CRYBG1: variants seen among roughly 807,000 people sequenced by gnomAD.
The protein encoded by CRYBG1 is beta/gamma crystallin domain-containing protein 1.
A neutral mutation model predicts 189.2 loss-of-function variants in CRYBG1; 139 were observed. The ratio of observed to expected loss-of-function variants is 0.73; its 90% confidence interval spans 0.64 to 0.85. The LOEUF (loss-of-function observed/expected upper bound fraction) is 0.85, where lower values mean the gene tolerates loss of function less well. CRYBG1 is among the 40% of genes least tolerant of loss of function. CRYBG1 has a pLI of 0.00. For missense variants in CRYBG1, 2,611 were observed against 2,675.8 expected (o/e 0.98, Z 0.53); for synonymous variants, 1,023 against 1,017.1 (o/e 1.01, Z -0.11).
intron 21 of CRYBG1, among the ~76,000 whole-genome samples, chr6:106,564,127 A>G (rs983249260): frequency 2.0e-4 from 31 of 152,042 alleles, no homozygotes; most frequent in African/African-American, 7.5e-4. Flanking sequence ...TGAGGCCTAC[A>G]TTATCCCCTC....
In CRYBG1 at chr6:106,456,755, T is replaced by C. The variant is rs181681687; in HGVS notation, c.312+4923T>C. ...TTCCACAAAGGTCCACTGGTGTTTC[T>C]CTCAGTGCCCAATACCCAATCTCAC... On this transcript the variant is annotated intron_variant, in intron 2 of 21. Coordinates refer to ENST00000633556, the MANE Select transcript of CRYBG1 (RefSeq NM_001371242.2). Among the ~76,000 whole-genome samples the C allele has an allele frequency of 4.3e-3, 660 of 152,294 alleles. 6 individuals are homozygous for C. The highest frequency in any genetic ancestry group is 0.015 in the African/African-American group (643 of 41,546).
chr6:106,561,411 G>T lies in CRYBG1; in HGVS notation c.6049G>T (p.Asp2017Tyr). Residue 2017 changes from aspartate to tyrosine, a missense_variant, in exon 20 of 22, where the codon GAT (aspartate) becomes TAT (tyrosine). Coordinates refer to ENST00000633556, the MANE Select transcript of CRYBG1 (RefSeq NM_001371242.2). ...CATGTCAACCAATGGAAACTTAGAG[G>T]ATCTGAAGCTTCTGAGGATACAGGT... ...LFMSTNGNLE[D>Y]LKLLRIQVME... The T allele has an allele frequency of 6.2e-7, 1 of 1,614,122 alleles. No individual in the cohort carries two copies. Among genetic ancestry groups the T allele is most frequent in the South Asian group, 1.1e-5 (1 of 91,074 alleles).
intron 3 of CRYBG1, among the ~76,000 whole-genome samples, chr6:106,517,475 T>C (rs550080763): frequency 3.0e-4 from 43 of 145,216 alleles, no homozygotes; most frequent in Middle Eastern, 3.5e-3. Context: ...CACACACACA[T>C]ATATATATAC....
intron 1 of CRYBG1, among the ~76,000 whole-genome samples, chr6:106,401,469 A>C (rs1172056852): frequency 1.5e-5 from 2 of 135,030 alleles, no homozygotes; most frequent in African/African-American, 5.8e-5. Context: ...GGTTAGTTAC[A>C]TATGTATACA....
At position 106,486,693 on chromosome 6, in the gene CRYBG1, A is replaced by G. The variant is rs149824408; in HGVS notation, c.313-24737A>G. Among the ~76,000 whole-genome samples the G allele has an allele frequency of 2.2e-3, 340 of 151,996 alleles. 1 individual carries two copies. Among genetic ancestry groups the G allele is most frequent in the East Asian group, 8.9e-3 (46 of 5,184 alleles). ...TATATAATGATCTTTCCCTCCTTTCACAGTTTTTGACTTAAAGTGTAATTT... is the reference window on the plus strand; with the variant it reads ...TATATAATGATCTTTCCCTCCTTTCGCAGTTTTTGACTTAAAGTGTAATTT... On this transcript the variant is annotated intron_variant, in intron 2 of 21. Transcript: ENST00000633556.
intron 2 of CRYBG1, among the ~76,000 whole-genome samples, chr6:106,481,060 G>A (rs1313947362): frequency 2.7e-5 from 2 of 74,820 alleles, no homozygotes; most frequent in Non-Finnish European, 2.2e-5. Context: ...TGCAAGCTCC[G>A]CCTCCCGGGT....
chr6:106,530,079 C>A, intron 7 of CRYBG1, 97 bp from the exon 8 acceptor site: 1 of 1,147,618 alleles, frequency 8.7e-7, no homozygotes, highest in Non-Finnish European at 1.2e-6. Flanking sequence ...AAATTTAAAG[C>A]TCATTTTGAT....
At chr6:106,470,463 C>A (rs985757358) in intron 2 of CRYBG1, among the ~76,000 whole-genome samples, 5 of 151,938 alleles carry the variant, frequency 3.3e-5, no homozygotes, top group African/African-American at 1.2e-4. Flanking sequence ...ATCCCAGCTA[C>A]TTGGGAGGCT....
rs2114541977 is a variant in CRYBG1 at position 106,521,232 on chromosome 6, G to T, written c.4024G>T (p.Asp1342Tyr). The T allele has an allele frequency of 6.2e-7, 1 of 1,614,034 alleles. No homozygotes were observed. Among genetic ancestry groups the T allele is most frequent in the South Asian group, 1.1e-5 (1 of 91,070 alleles). The change falls in exon 4 of 22, where the codon GAT becomes TAT. Residue 1342 changes from aspartate to tyrosine, a missense_variant. By Grantham distance (160) the Asp-to-Tyr change is radical. Around this residue, in one of 3 missense-constraint regions of CRYBG1, gnomAD observed 1,622 missense variants for 1,735.0 expected, o/e 0.93. Transcript: ENST00000633556. ...CCCGCAAAAAGAGAAAACCAAAGAA[G>T]ATCTGGATTCACGAAGCAACCTACA... ...KYPQKEKTKE[D>Y]LDSRSNLHLP...
intron 1 of CRYBG1, among the ~76,000 whole-genome samples, chr6:106,405,567 T>C (rs566854542): frequency 1.6e-3 from 247 of 152,370 alleles, no homozygotes; most frequent in Non-Finnish European, 2.3e-3. Flanking sequence ...AGTGGGTCCC[T>C]GACCCCCGTG....
rs767770013 is a variant in CRYBG1, at chr6:106,512,886, C to G, written c.1769C>G (p.Pro590Arg). ...PEIKPEHKRG[P>R]LPNHFNGRAE... ...ATCAAGCCCGAGCACAAGAGGGGCC[C>G]GCTCCCCAACCACTTCAACGGCCGG... Residue 590 changes from proline to arginine, a missense_variant, in exon 3 of 22, where the codon CCG (proline) becomes CGG (arginine). Around this residue, in one of 3 missense-constraint regions of CRYBG1, gnomAD observed 985 missense variants for 924.4 expected, o/e 1.07. Transcript: ENST00000633556. 5 of 1,598,230 alleles carry G rather than the reference C, an allele frequency of 3.1e-6. No homozygotes were observed. Among genetic ancestry groups the G allele is most frequent in the Non-Finnish European group, 4.3e-6 (5 of 1,172,744 alleles).
rs746376911 is a variant in CRYBG1 at position 106,519,437 on chromosome 6, G to C, written c.2229G>C (p.Leu743=). Residue 743 remains leucine, a synonymous_variant, in exon 4 of 22, where the codon CTG becomes CTC. Transcript: ENST00000633556. Reference sequence around the variant, plus strand: ...CAAACAGTCCCCAGAATGGTGTGCTGGTTAAGGAAACTGCTATAGAAACCA... The same window carrying C: ...CAAACAGTCCCCAGAATGGTGTGCTCGTTAAGGAAACTGCTATAGAAACCA... ...VMPNSPQNGV[L]VKETAIETKV... is the part of the protein sequence containing the mutation. 4 of 1,614,106 alleles carry C rather than the reference G, an allele frequency of 2.5e-6. 1 individual carries two copies. Among genetic ancestry groups the C allele is most frequent in the Middle Eastern group, 3.3e-4 (2 of 6,062 alleles).
chr6:106,532,017 T>C (rs1281147689), intron 8 of CRYBG1, among the ~76,000 whole-genome samples: 1 of 152,198 alleles, frequency 6.6e-6, no homozygotes, highest in Non-Finnish European at 1.5e-5. Context: ...ATTTTACTGC[T>C]TTTTAAATTA....
chr6:106,499,241 C>T (rs1772933495), intron 2 of CRYBG1, among the ~76,000 whole-genome samples: 1 of 150,278 alleles, frequency 6.7e-6, no homozygotes, highest in Non-Finnish European at 1.5e-5. Context: ...CAACTTCCGC[C>T]TCCCGGGTTC....
intron 2 of CRYBG1, among the ~76,000 whole-genome samples, chr6:106,485,009 A>T (rs1302323254): frequency 1.3e-5 from 2 of 151,370 alleles, no homozygotes; most frequent in African/African-American, 4.9e-5. Context: ...GGTGGGGGGG[A>T]TTTCTTTTTC....
In CRYBG1 at chr6:106,361,975, T is replaced by TCTTTCTTTCTTTCTTTCTTTCTTTCTTTC. The variant is rs373178193; in HGVS notation, c.173+894_173+895insCTTTCTTTCTTTCTTTCTTTCTTTCTTTC. On this transcript the variant is annotated intron_variant, in intron 1 of 21. Coordinates refer to ENST00000633556, the MANE Select transcript of CRYBG1 (RefSeq NM_001371242.2). ...TCCTTTTATTTCTTTCTTTCTTTTT[T>TCTTTCTTTCTTTCTTTCTTTCTTTCTTTC]TTTTTTTTTTTCTGAGACGGAGTCT... Among the ~76,000 whole-genome samples the TCTTTCTTTCTTTCTTTCTTTCTTTCTTTC allele has an allele frequency of 1.6e-3, 209 of 129,692 alleles. 4 individuals carry two copies. The highest frequency in any genetic ancestry group is 5.3e-3 in the East Asian group (23 of 4,372). 85.1% of individuals were successfully genotyped at this position (129,692 alleles called of 152,430 possible).
intron 1 of CRYBG1, among the ~76,000 whole-genome samples, chr6:106,436,058 C>T (rs12525606): frequency 0.59 from 88,718 of 151,540 alleles, 26,845 homozygotes; most frequent in East Asian, 0.74. Context: ...CGGAGTTTTA[C>T]CTTCTATTAC....
rs367865745 is a variant in CRYBG1 at position 106,483,356 on chromosome 6, T to TTGTG, written c.313-28054_313-28051dup. Among the ~76,000 whole-genome samples the TTGTG allele has an allele frequency of 2.0e-3, 266 of 132,222 alleles. 4 individuals carry two copies. The highest frequency in any genetic ancestry group is 3.2e-3 in the Non-Finnish European group (191 of 60,426). The allele number at this position is 132,222 out of a possible 152,430, so 86.7% of individuals were successfully genotyped here. On this transcript the variant is annotated intron_variant, in intron 2 of 21. Transcript: ENST00000633556. ...CTTTTTATGCCTGCATAGTATTCCATTGTGTGTGTGTGTGTGTGTGTGTAT... is the reference window on the plus strand; with the variant it reads ...CTTTTTATGCCTGCATAGTATTCCATTGTGTGTGTGTGTGTGTGTGTGTGTGTAT...
intron 1 of CRYBG1, among the ~76,000 whole-genome samples, chr6:106,395,311 T>C (rs1299150354): frequency 5.9e-5 from 9 of 151,802 alleles, no homozygotes; most frequent in Non-Finnish European, 1.0e-4. Flanking sequence ...TTAATATTTT[T>C]CATTTACTTT....
Sources: allele counts gnomAD v4.1 joint callset (sites outside exome capture counted in the v4.1 genomes callset), GRCh38; gene constraint gnomAD v4.1.1; regional missense constraint gnomAD v4.1.1; transcripts MANE v1.5; gene names NCBI Gene and HGNC (gene_info 2026-07-23, HGNC 2026-07-21).